The following WWOX variants were observed in gnomAD, a reference collection of about 807,000 sequenced individuals.
The protein encoded by WWOX is WW domain-containing oxidoreductase.
Under a neutral mutation model 46.2 loss-of-function variants are expected in WWOX, and 69 were observed. The observed-to-expected ratio is 1.49, with a 90% CI of 1.23 to 1.82. The LOEUF is 1.82. WWOX is among the 40% of genes most tolerant of loss of function. The probability of loss-of-function intolerance (pLI) is 0.00; values close to 1 mark genes in which losing one functional copy is unlikely to be tolerated. For synonymous variants in WWOX, 359 were observed against 202.6 expected (o/e 1.77, Z -6.56); for missense variants, 919 against 542.6 (o/e 1.69, Z -6.89).
intron 5 of WWOX, among the ~76,000 whole-genome samples, chr16:78,356,709 C>T (rs1275549937): frequency 6.6e-6 from 1 of 152,168 alleles, no homozygotes; most frequent in East Asian, 1.9e-4. Flanking sequence ...GGTGAAACCC[C>T]GTCTCTACTA....
chr16:78,849,899 C>A (rs1033329674), intron 8 of WWOX, among the ~76,000 whole-genome samples: 1 of 151,978 alleles, frequency 6.6e-6, no homozygotes, highest in Non-Finnish European at 1.5e-5. Flanking sequence ...ATGCAGAAAC[C>A]CTGTCTCTAC....
intron 5 of WWOX, among the ~76,000 whole-genome samples, chr16:78,296,846 C>A (rs367552070): frequency 2.6e-5 from 4 of 152,088 alleles, no homozygotes; most frequent in East Asian, 3.9e-4. Flanking sequence ...GGGTCTCGTT[C>A]GGTTGTTGTA....
intron 8 of WWOX, among the ~76,000 whole-genome samples, chr16:78,757,586 G>T (rs1438417031): frequency 6.6e-6 from 1 of 152,040 alleles, no homozygotes; most frequent in Non-Finnish European, 1.5e-5. Context: ...AAAGCAGGTG[G>T]TGTATTTTGA....
intron 8 of WWOX, among the ~76,000 whole-genome samples, chr16:78,966,833 C>G (rs530646786): frequency 6.6e-6 from 1 of 152,078 alleles, no homozygotes; most frequent in Admixed American, 6.5e-5. Context: ...CTTTGGGCCT[C>G]GGGTACTAAA....
intron 4 of WWOX, among the ~76,000 whole-genome samples, chr16:78,143,858 C>T (rs2034074204): frequency 1.4e-5 from 2 of 142,778 alleles, no homozygotes; most frequent in African/African-American, 2.6e-5. Context: ...GAACTTTAAA[C>T]ATTAAAATGT....
intron 8 of WWOX, among the ~76,000 whole-genome samples, chr16:78,797,735 C>G (rs771336989): frequency 3.3e-5 from 5 of 152,208 alleles, no homozygotes; most frequent in Non-Finnish European, 7.3e-5. Flanking sequence ...TGCCTGTAAT[C>G]CCAGCACTTT....
intron 8 of WWOX, among the ~76,000 whole-genome samples, chr16:78,627,497 AT>A (rs1431558469): frequency 6.6e-6 from 1 of 152,234 alleles, no homozygotes; most frequent in Non-Finnish European, 1.5e-5. Flanking sequence ...AAGTCTTTGA[AT>A]AATGGCCCAG....
At chr16:78,992,790 G>A (rs575001258) in intron 8 of WWOX, among the ~76,000 whole-genome samples, 1 of 152,256 alleles carries the variant, frequency 6.6e-6, no homozygotes, top group East Asian at 1.9e-4. Context: ...AGCCCTCCTT[G>A]AGGGACATAA....
In WWOX at chr16:78,432,687, A is replaced by T. The variant is rs999552633; in HGVS notation, c.991A>T (p.Ile331Phe). Residue 331 changes from isoleucine to phenylalanine, a missense_variant, in exon 8 of 9, where the codon ATT becomes TTT. Ile to Phe is a conservative substitution (Grantham distance 21). Transcript: ENST00000566780. ...TCCTGGAAATATGATGTACTCCAAC[A>T]TTCATCGCAGCTGGTGGGTGTACAC... ...VHPGNMMYSNIHRSWWVYTLL... is the reference protein window; with the variant it reads ...VHPGNMMYSNFHRSWWVYTLL... The T allele has an allele frequency of 1.9e-6, 3 of 1,614,152 alleles. No homozygotes were observed. Among genetic ancestry groups the T allele is most frequent in the Non-Finnish European group, 2.5e-6 (3 of 1,180,022 alleles).
chr16:78,650,832 A>C (rs1343159665), intron 8 of WWOX, among the ~76,000 whole-genome samples: 3 of 152,178 alleles, frequency 2.0e-5, no homozygotes, highest in African/African-American at 7.2e-5. Context: ...TTTGCCAGCC[A>C]GCCACGCTGA....
chr16:78,289,031 A>C (rs1055440228), intron 5 of WWOX, among the ~76,000 whole-genome samples: 5 of 152,176 alleles, frequency 3.3e-5, no homozygotes, highest in Non-Finnish European at 5.9e-5. Flanking sequence ...CGGTTAACAC[A>C]AGGCGTGCCA....
intron 8 of WWOX, among the ~76,000 whole-genome samples, chr16:79,067,527 CT>C (rs1381751721): frequency 1.3e-5 from 2 of 151,214 alleles, no homozygotes; most frequent in African/African-American, 4.9e-5. Context: ...CGGACATCTC[CT>C]CACTAGAGAC....
At chr16:78,644,391 C>T (rs1383567244) in intron 8 of WWOX, among the ~76,000 whole-genome samples, 1 of 152,068 alleles carries the variant, frequency 6.6e-6, no homozygotes, top group South Asian at 2.1e-4. Flanking sequence ...TCTAGAATGA[C>T]TTAGGAGAGC....
intron 8 of WWOX, among the ~76,000 whole-genome samples, chr16:78,578,252 TTTTATATATATATATATA>T (rs933348260): frequency 5.2e-5 from 2 of 38,102 alleles, no homozygotes; most frequent in African/African-American, 1.9e-4. Flanking sequence ...GCATACCAAA[TTTTATATATATATATATA>T]TATATATATA....
At chr16:78,996,379 C>T (rs71398121) in intron 8 of WWOX, 6 of 731,094 alleles carry the variant, frequency 8.2e-6, no homozygotes, top group Middle Eastern at 6.9e-4. Flanking sequence ...TGCACCCACC[C>T]CCGCCCCCCA....
intron 8 of WWOX, among the ~76,000 whole-genome samples, chr16:78,935,334 G>A (rs1597172926): frequency 6.6e-6 from 1 of 152,100 alleles, no homozygotes; most frequent in Non-Finnish European, 1.5e-5. Flanking sequence ...ATTCACAATA[G>A]CAAAGACTTG....
chr16:79,128,317 A>G (rs537870786), intron 8 of WWOX, among the ~76,000 whole-genome samples: 1 of 146,446 alleles, frequency 6.8e-6, no homozygotes, highest in Admixed American at 6.9e-5. Flanking sequence ...TGTTAGTACA[A>G]CGTCCCCTAA....
chr16:79,143,440 G>A (rs183653307), intron 8 of WWOX, among the ~76,000 whole-genome samples: 35 of 152,280 alleles, frequency 2.3e-4, no homozygotes, highest in Non-Finnish European at 4.7e-4. Flanking sequence ...TTACCTGAAC[G>A]GTGGTGTATT....
chr16:79,148,230 A>C lies in WWOX; in HGVS notation c.1057-63378A>C, dbSNP rs572671889. On this transcript the variant is annotated intron_variant, in intron 8 of 8. Transcript: ENST00000566780. ...GCATTTTGCATGTATGCCCATGATA[A>C]ATTTTGAGTTAATTTTTGTATAAGA... Among the ~76,000 whole-genome samples, 6 of 152,282 alleles carry C rather than the reference A, an allele frequency of 3.9e-5. No homozygotes were observed. In the South Asian group the frequency reaches 1.2e-3, roughly 32 times the overall value.
Sources: allele counts gnomAD v4.1 joint callset (sites outside exome capture counted in the v4.1 genomes callset), GRCh38; gene constraint gnomAD v4.1.1; transcripts MANE v1.5; gene names NCBI Gene and HGNC (gene_info 2026-07-23, HGNC 2026-07-21).